The following PAPOLA variants were observed in gnomAD, a reference collection of about 807,000 sequenced individuals.
PAPOLA encodes poly(A) polymerase alpha.
Under a neutral mutation model 100.6 loss-of-function variants are expected in PAPOLA, and 15 were observed. The ratio of observed to expected loss-of-function variants is 0.15; its 90% CI spans 0.10 to 0.23. The LOEUF (loss-of-function observed/expected upper bound fraction) is 0.23, where lower values mean the gene tolerates loss of function less well. Among genes scored for constraint, PAPOLA ranks in the 10% least tolerant of loss-of-function variants. The probability of loss-of-function intolerance (pLI) is 1.00; values close to 1 mark genes in which losing one functional copy is unlikely to be tolerated. For missense variants in PAPOLA, 533 were observed against 884.2 expected, an observed-to-expected ratio of 0.60 and a Z score of 5.04; for synonymous variants, 293 against 300.0, an observed-to-expected ratio of 0.98 and a Z score of 0.24.
intron 7 of PAPOLA, 43 bp from the exon 8 acceptor site, chr14:96,532,288 G>A: frequency 8.2e-7 from 1 of 1,218,808 alleles, no homozygotes; most frequent in Non-Finnish European, 1.1e-6. Context: ...TTTGTTTTGT[G>A]TGTGTGTGTG....
chr14:96,507,134 T>C (rs1056135267), intron 1 of PAPOLA, among the ~76,000 whole-genome samples: 1 of 152,190 alleles, frequency 6.6e-6, no homozygotes, highest in Non-Finnish European at 1.5e-5. Context: ...TTTCTTCATA[T>C]GCTTCAACTA....
At chr14:96,502,656 C>T in intron 1 of PAPOLA, 56 bp downstream of exon 1, 1 of 1,549,682 alleles carries the variant, frequency 6.5e-7, no homozygotes, top group Non-Finnish European at 8.7e-7. Context: ...TGGGGGGCGT[C>T]CGGGAAGGGG....
In PAPOLA at chr14:96,534,589, C is replaced by G. The variant is rs144160815; in HGVS notation, c.909+26C>G. On this transcript the variant is annotated intron_variant, in intron 10 of 21. Coordinates refer to ENST00000216277, the MANE Select transcript of PAPOLA (RefSeq NM_032632.5). ...GTTAGTGTATTATTTTTTCCCCTAC[C>G]AATTCACACTGTGCAATAACAAGTA... 51 of 1,613,626 alleles carry G rather than the reference C, an allele frequency of 3.2e-5. No individual in the cohort carries two copies. The East Asian group carries it at 1.1e-3, about 36-fold the overall frequency.
chr14:96,528,117 T>C, intron 6 of PAPOLA, 111 bp downstream of exon 6: 1 of 708,124 alleles, frequency 1.4e-6, no homozygotes, highest in Non-Finnish European at 2.6e-6. Context: ...GTTGTGATAT[T>C]AATAACAATT....
intron 16 of PAPOLA, among the ~76,000 whole-genome samples, chr14:96,550,335 T>G (rs963055050): frequency 6.6e-6 from 1 of 152,168 alleles, no homozygotes; most frequent in African/African-American, 2.4e-5. Flanking sequence ...TCAGATTACC[T>G]TTTTAAACTC....
rs1421520113 is a variant in PAPOLA at position 96,566,341 on chromosome 14, A to T, written c.*1291A>T. Reference sequence around the variant, plus strand: ...GATTAAGAGCTCCTTTCTTTGAATAAAATAATTTCTCATAATTAAGCAGTA... The same window carrying T: ...GATTAAGAGCTCCTTTCTTTGAATATAATAATTTCTCATAATTAAGCAGTA... On this transcript the variant is annotated 3_prime_UTR_variant, in exon 22 of 22. Transcript: ENST00000216277. 2 of 156,550 alleles carry T rather than the reference A, an allele frequency of 1.3e-5. No individual in the cohort carries two copies. The highest frequency in any genetic ancestry group is 3.7e-4 in the East Asian group (2 of 5,386). The allele number at this position is 156,550 out of a possible 1,614,324, so 9.7% of individuals were successfully genotyped here.
rs550766520 is a variant in PAPOLA, at chr14:96,534,061, ATAAT to A, written c.837-427_837-424del. On this transcript the variant is annotated intron_variant, in intron 9 of 21. Transcript: ENST00000216277. ...TTACCACTTTTAAGTCATGAATTCT[ATAAT>A]TATTCATACCCCTTTGCCTGTGATC... The A allele has an allele frequency of 4.2e-5, 41 of 987,132 alleles. No individual in the cohort carries two copies. In the South Asian group the frequency reaches 1.7e-3, roughly 40 times the overall value. The allele number at this position is 987,132 out of a possible 1,614,324, so 61.1% of individuals were successfully genotyped here.
At position 96,562,730 on chromosome 14, in the gene PAPOLA, G is replaced by T. The variant is rs185177560; in HGVS notation, c.2068-89G>T. The T allele has an allele frequency of 5.9e-5, 43 of 734,178 alleles. No individual in the cohort carries two copies. In the African/African-American group the frequency reaches 7.1e-4, roughly 12 times the overall value. The allele number at this position is 734,178 out of a possible 1,614,324, so 45.5% of individuals were successfully genotyped here. On this transcript the variant is annotated intron_variant, in intron 20 of 21. Transcript: ENST00000216277. Reference sequence around the variant, plus strand: ...CTTGATCCCTCCTGTCTTCCAGTTTGTCTTCTTTATTAGCCACCAAACCCA... The same window carrying T: ...CTTGATCCCTCCTGTCTTCCAGTTTTTCTTCTTTATTAGCCACCAAACCCA...
chr14:96,532,874 A>G (rs1899157806), intron 9 of PAPOLA: 11 of 1,250,948 alleles, frequency 8.8e-6, no homozygotes, highest in Non-Finnish European at 1.1e-5. Context: ...ACTTCCTTGC[A>G]TAAACTTACC....
chr14:96,560,342 CT>C (rs765593616), intron 19 of PAPOLA: 6,707 of 193,096 alleles, frequency 0.035, 5 homozygotes, highest in Middle Eastern at 0.061. Flanking sequence ...ATCAGGAACT[CT>C]TTTTTTTTTT....
intron 1 of PAPOLA, among the ~76,000 whole-genome samples, chr14:96,515,660 T>C (rs951684527): frequency 3.3e-5 from 5 of 152,218 alleles, no homozygotes; most frequent in Admixed American, 2.6e-4. Context: ...ATATTAATTA[T>C]GTTGGTGAGA....
chr14:96,552,628 G>A lies in PAPOLA; in HGVS notation c.1664+6G>A, dbSNP rs775889075. 1.2e-6 allele frequency: 2 copies of A among 1,607,466 alleles called. No individual in the cohort carries two copies. Among genetic ancestry groups the A allele is most frequent in the Non-Finnish European group, 1.7e-6 (2 of 1,177,510 alleles). ...AGTTCTGGCAGCTCTCAGGGGTAAG[G>A]AAAAAGAGGGAAATAGAAGTGGAGG... On this transcript the variant is annotated splice_donor_region_variant and intron_variant, in intron 17 of 21. Transcript: ENST00000216277.
chr14:96,544,003 T>G, intron 14 of PAPOLA, 146 bp from the exon 15 acceptor site: 1 of 608,366 alleles, frequency 1.6e-6, no homozygotes, highest in Non-Finnish European at 3.0e-6. Context: ...GTGAGGACTT[T>G]GCGTTTTCAT....
chr14:96,538,923 T>C (rs1009408277), intron 12 of PAPOLA, among the ~76,000 whole-genome samples: 2 of 152,084 alleles, frequency 1.3e-5, no homozygotes, highest in African/African-American at 4.8e-5. Context: ...TTTTAAATCA[T>C]GTGAAATATA....
chr14:96,537,110 TA>T (rs1307423912), intron 12 of PAPOLA, 50 bp downstream of exon 12: 1 of 958,666 alleles, frequency 1.0e-6, no homozygotes, highest in African/African-American at 1.6e-5. Flanking sequence ...AGTAATGGTT[TA>T]ATGGTAGCAC....
intron 6 of PAPOLA, among the ~76,000 whole-genome samples, chr14:96,528,862 A>C (rs544952143): frequency 6.6e-6 from 1 of 152,360 alleles, no homozygotes; most frequent in African/African-American, 2.4e-5. Flanking sequence ...TAAAATGTTA[A>C]ATTTGGTAAA....
At chr14:96,538,248 C>T (rs1375489865) in intron 12 of PAPOLA, among the ~76,000 whole-genome samples, 2 of 151,910 alleles carry the variant, frequency 1.3e-5, no homozygotes, top group Non-Finnish European at 2.9e-5. Flanking sequence ...CCCCTTAATT[C>T]CTGGAATCAA....
At position 96,565,918 on chromosome 14, in the gene PAPOLA, G is replaced by GT. The variant is rs1566872729; in HGVS notation, c.*869dup. The GT allele has an allele frequency of 2.5e-6, 1 of 398,222 alleles. No homozygotes were observed. Among genetic ancestry groups the GT allele is most frequent in the East Asian group, 3.6e-5 (1 of 28,058 alleles). The allele number at this position is 398,222 out of a possible 1,614,324, so 24.7% of individuals were successfully genotyped here. A position where few individuals can be genotyped will look rare whatever the true frequency, so the allele number is the denominator to read the frequency against. Reference sequence around the variant, plus strand: ...GTATGCACAAGGTAGGACTTACTTCGTAAGAAACAAAATGCCAGTATTTTC... The same window carrying GT: ...GTATGCACAAGGTAGGACTTACTTCGTTAAGAAACAAAATGCCAGTATTTTC... On this transcript the variant is annotated 3_prime_UTR_variant, in exon 22 of 22. Coordinates refer to ENST00000216277, the MANE Select transcript of PAPOLA (RefSeq NM_032632.5).
intron 15 of PAPOLA, among the ~76,000 whole-genome samples, chr14:96,546,494 G>C (rs888231294): frequency 1.2e-4 from 18 of 152,062 alleles, no homozygotes; most frequent in Admixed American, 3.3e-4. Flanking sequence ...TGCCTGATCT[G>C]CCTTTTTCAT....
Sources: allele counts gnomAD v4.1 joint callset (sites outside exome capture counted in the v4.1 genomes callset), GRCh38; gene constraint gnomAD v4.1.1; transcripts MANE v1.5; gene names NCBI Gene and HGNC (gene_info 2026-07-23, HGNC 2026-07-21).